CAPN11: variants seen among roughly 807,000 people sequenced by gnomAD.
CAPN11 encodes calpain 11.
CAPN11 carries 108 observed loss-of-function variants against 105.3 expected under a neutral mutation model. That is an observed-to-expected ratio of 1.03 (90% CI 0.88 to 1.20). The LOEUF (loss-of-function observed/expected upper bound fraction) is 1.20. Among genes scored for constraint, CAPN11 ranks in the 50% most tolerant of loss-of-function variants. CAPN11 has a pLI of 0.00. For synonymous variants in CAPN11, 329 were observed against 344.5 expected, an observed-to-expected ratio of 0.96 and a Z score of 0.50; for missense variants, 883 against 924.8, an observed-to-expected ratio of 0.95 and a Z score of 0.59.
chr6:44,168,187 A>G (rs1770300897), intron 2 of CAPN11, among the ~76,000 whole-genome samples: 1 of 152,166 alleles, frequency 6.6e-6, no homozygotes, highest in African/African-American at 2.4e-5. Flanking sequence ...CTATCTCCTT[A>G]AGCAACAGGC....
chr6:44,162,833 C>G (rs963287145), intron 1 of CAPN11, among the ~76,000 whole-genome samples: 3 of 152,102 alleles, frequency 2.0e-5, no homozygotes, highest in Admixed American at 1.3e-4. Flanking sequence ...CAGTACCAGC[C>G]CAGAATAAAT....
At chr6:44,169,876 C>T (rs927436826) in intron 3 of CAPN11, 30 bp from the exon 4 acceptor site, 10 of 1,544,510 alleles carry the variant, frequency 6.5e-6, no homozygotes, top group Admixed American at 1.8e-5. Flanking sequence ...GTGTCCTGGG[C>T]CCCCTGAAAC....
rs1561848954 is a variant in CAPN11, at chr6:44,176,969, G to A, written c.1208G>A (p.Ser403Asn). The A allele has an allele frequency of 6.2e-7, 1 of 1,613,724 alleles. No homozygotes were observed. Among genetic ancestry groups the A allele is most frequent in the Non-Finnish European group, 8.5e-7 (1 of 1,179,864 alleles). The change falls in exon 11 of 23, where the codon AGC becomes AAC. Residue 403 changes from serine to asparagine, a missense_variant. By Grantham distance (46) the Ser-to-Asn change is conservative. Transcript: ENST00000398776. ...TACGAGGGCAGCTGGCGCAGAGGCA[G>A]CTCCGCAGGGGGCTGCAGGAACCAC... ...TFYEGSWRRGSSAGGCRNHPG... is the reference protein window; with the variant it reads ...TFYEGSWRRGNSAGGCRNHPG...
chr6:44,161,603 CAGCTTCGA>C (rs1313184553), intron 1 of CAPN11, among the ~76,000 whole-genome samples: 2 of 152,288 alleles, frequency 1.3e-5, no homozygotes, highest in East Asian at 3.9e-4. Flanking sequence ...ACTGGGTATG[CAGCTTCGA>C]AGCAGGGTTT....
rs1258539028 is a variant in CAPN11, at chr6:44,182,979, C to T, written c.1977C>T (p.Thr659=). 1 of 1,611,758 alleles carries T rather than the reference C, an allele frequency of 6.2e-7. No individual in the cohort carries two copies. The highest frequency in any genetic ancestry group is 1.3e-5 in the African/African-American group (1 of 74,880). Residue 659 remains threonine (T), a synonymous_variant, in exon 20 of 23, where the codon ACC becomes ACT. Coordinates refer to ENST00000398776, the MANE Select transcript of CAPN11 (RefSeq NM_007058.4). The part of the protein sequence containing the change: ...FRECDQDHSG[T]LNSYEMRLVI... ...AGTGTGACCAGGACCATTCAGGCAC[C>T]TTGAACTCCTATGAGATGCGCCTGG...
rs146004381 is a variant in CAPN11 at position 44,174,821 on chromosome 6, T to A, written c.832-1247T>A. Among the ~76,000 whole-genome samples the A allele has an allele frequency of 3.1e-3, 466 of 152,220 alleles. 6 individuals are homozygous for A. Among genetic ancestry groups the A allele is most frequent in the African/African-American group, 0.011 (445 of 41,546 alleles). On this transcript the variant is annotated intron_variant, in intron 7 of 22. Transcript: ENST00000398776. The stretch of plus-strand genomic sequence containing the variant: ...TTTTAGTAGAGACGGGGTTTCACCA[T>A]GTTGGCCAGACTGGTCTTGAACTCC...
chr6:44,183,602 C>A, intron 21 of CAPN11, 103 bp from the exon 22 acceptor site: 1 of 1,060,210 alleles, frequency 9.4e-7, no homozygotes, highest in Non-Finnish European at 1.4e-6. Context: ...TGGGGAACAG[C>A]CAGGAACACC....
intron 1 of CAPN11, among the ~76,000 whole-genome samples, chr6:44,162,595 G>A (rs1378507758): frequency 6.6e-6 from 1 of 152,110 alleles, no homozygotes; most frequent in Non-Finnish European, 1.5e-5. Context: ...TCCAGAACCA[G>A]GACGTCAAAG....
intron 2 of CAPN11, among the ~76,000 whole-genome samples, chr6:44,168,630 A>T (rs963417395): frequency 6.6e-6 from 1 of 151,388 alleles, no homozygotes; most frequent in African/African-American, 2.4e-5. Flanking sequence ...ATTTATTTTT[A>T]TTTATTTTTG....
intron 2 of CAPN11, among the ~76,000 whole-genome samples, chr6:44,168,018 CT>C (rs1199296943): frequency 4.6e-5 from 7 of 151,196 alleles, no homozygotes; most frequent in Non-Finnish European, 8.8e-5. Context: ...GACTCTGCCT[CT>C]TAAAAAAAAA....
chr6:44,177,147 C>T, intron 11 of CAPN11, 95 bp from the exon 12 acceptor site: 2 of 1,474,192 alleles, frequency 1.4e-6, no homozygotes, highest in Non-Finnish European at 1.8e-6. Context: ...GTGGAGGAGA[C>T]AGCTCCAGTG....
rs1368572642 is a variant in CAPN11, at chr6:44,166,815, G to A, written c.74G>A (p.Arg25Gln). Residue 25 changes from arginine to glutamine, a missense_variant, in exon 2 of 23, where the codon CGG becomes CAG. Transcript: ENST00000398776. ...SLDGSQEDKP[R>Q]GSCAEPTFTD... Reference sequence around the variant, plus strand: ...GATGGATCACAGGAGGATAAGCCTCGGGGCTCATGTGCGGGTAGGACTGCA... The same window carrying A: ...GATGGATCACAGGAGGATAAGCCTCAGGGCTCATGTGCGGGTAGGACTGCA... 55 of 1,551,608 alleles carry A rather than the reference G, an allele frequency of 3.5e-5. No individual in the cohort carries two copies. Among genetic ancestry groups the A allele is most frequent in the Non-Finnish European group, 4.4e-5 (50 of 1,146,730 alleles).
At chr6:44,180,900 G>T in intron 17 of CAPN11, 33 bp from the exon 18 acceptor site, 1 of 1,610,640 alleles carries the variant, frequency 6.2e-7, no homozygotes, top group East Asian at 2.2e-5. Context: ...CATTTACCCT[G>T]TCTCTCCTTT....
chr6:44,172,526 G>C, intron 5 of CAPN11, 106 bp downstream of exon 5: 1 of 685,004 alleles, frequency 1.5e-6, no homozygotes, highest in Admixed American at 3.1e-5. Context: ...CATTTATTAG[G>C]GTGGGTTTTG....
chr6:44,176,215 C>CGGAGGAGAACGTCT (rs1554131302), intron 8 of CAPN11, 38 bp from the exon 9 acceptor site: 27 of 1,607,468 alleles, frequency 1.7e-5, no homozygotes, highest in African/African-American at 2.7e-5. Flanking sequence ...TCTCCCTGAC[C>CGGAGGAGAACGTCT]CCATAACTCT....
At chr6:44,163,980 G>A (rs1769364177) in intron 1 of CAPN11, among the ~76,000 whole-genome samples, 1 of 152,140 alleles carries the variant, frequency 6.6e-6, no homozygotes. Flanking sequence ...TGGGACCACA[G>A]GCACATGCTA....
chr6:44,173,869 C>T (rs9369462), intron 7 of CAPN11, among the ~76,000 whole-genome samples: 18,821 of 152,164 alleles, frequency 0.12, 1,363 homozygotes, highest in African/African-American at 0.19. Flanking sequence ...CAGGCATGAG[C>T]CACGGTGCCC....
chr6:44,173,540 C>T (rs1335779872), intron 7 of CAPN11, among the ~76,000 whole-genome samples, 154 bp downstream of exon 7: 4 of 151,516 alleles, frequency 2.6e-5, no homozygotes, highest in African/African-American at 9.7e-5. Flanking sequence ...CGTCTAAAGT[C>T]GCCGTCCCCA....
chr6:44,173,030 C>A lies in CAPN11; in HGVS notation c.619C>A (p.Arg207Ser). The part of the protein sequence containing the change: ...DKLVFVHSTE[R>S]SEFWSALLEK... ...GCTGGTGTTTGTGCACTCAACCGAA[C>A]GCAGTGAGTTCTGGAGTGCCCTGCT... The change falls in exon 6 of 23, where the codon CGC (arginine) becomes AGC (serine). Residue 207 changes from arginine to serine, a missense_variant. Arg to Ser is a moderately radical substitution (Grantham distance 110). Coordinates refer to ENST00000398776, the MANE Select transcript of CAPN11 (RefSeq NM_007058.4). 6.2e-7 allele frequency: 1 copy of A among 1,613,360 alleles called. No homozygotes were observed. Among genetic ancestry groups the A allele is most frequent in the East Asian group, 2.2e-5 (1 of 44,876 alleles).
Sources: allele counts gnomAD v4.1 joint callset (sites outside exome capture counted in the v4.1 genomes callset), GRCh38; gene constraint gnomAD v4.1.1; transcripts MANE v1.5; gene names NCBI Gene and HGNC (gene_info 2026-07-23, HGNC 2026-07-21).